Variants in ARB2A observed in about 807,000 individuals in gnomAD.
ARB2A encodes cotranscriptional regulator ARB2A.
At chr5:94,015,882 C>G in the ARB2A span, among the ~76,000 whole-genome samples, 4 of 151,886 alleles carry the variant, frequency 2.6e-5, no homozygotes, top group African/African-American at 9.7e-5. Context: ...AAGAAAAAAG[C>G]AAGAGAGGAT....
chr5:94,068,373 C>G, the ARB2A span, among the ~76,000 whole-genome samples: 1 of 152,192 alleles, frequency 6.6e-6, no homozygotes, highest in African/African-American at 2.4e-5. Context: ...GGGTGGAAGT[C>G]AGTGGCAGGT....
chr5:93,911,067 T>C, the ARB2A span, among the ~76,000 whole-genome samples: 1 of 151,646 alleles, frequency 6.6e-6, no homozygotes, highest in East Asian at 1.9e-4. Context: ...TTAACATTAC[T>C]GTATACTGGA....
chr5:93,922,098 T>G, the ARB2A span, among the ~76,000 whole-genome samples: 6 of 152,134 alleles, frequency 3.9e-5, no homozygotes, highest in Non-Finnish European at 8.8e-5. Flanking sequence ...TGATGAAAGA[T>G]TATGAATTTC....
the ARB2A span, among the ~76,000 whole-genome samples, chr5:93,726,478 C>T: frequency 1.8e-4 from 28 of 151,944 alleles, no homozygotes; most frequent in Admixed American, 6.6e-5. Flanking sequence ...GTTGCTGCGA[C>T]TGCCTGTAGG....
the ARB2A span, among the ~76,000 whole-genome samples, chr5:93,993,791 C>T: frequency 6.6e-6 from 1 of 150,748 alleles, no homozygotes; most frequent in African/African-American, 2.4e-5. Context: ...GTAATAATCA[C>T]AAGAGACAAT....
At chr5:93,684,639 G>C in the ARB2A span, among the ~76,000 whole-genome samples, 1 of 152,170 alleles carries the variant, frequency 6.6e-6, no homozygotes, top group Non-Finnish European at 1.5e-5. Context: ...ACAACTTAAA[G>C]TTAGTGTGAT....
At chr5:93,672,546 G>A in the ARB2A span, among the ~76,000 whole-genome samples, 1 of 151,982 alleles carries the variant, frequency 6.6e-6, no homozygotes, top group Non-Finnish European at 1.5e-5. Flanking sequence ...CTGACCTTGT[G>A]ATCCACCCGC....
chr5:93,874,373 A>G, the ARB2A span, among the ~76,000 whole-genome samples: 1 of 152,150 alleles, frequency 6.6e-6, no homozygotes, highest in Non-Finnish European at 1.5e-5. Flanking sequence ...GTCACCAGAA[A>G]GACCCAGTGA....
the ARB2A span, among the ~76,000 whole-genome samples, chr5:93,900,181 G>C: frequency 2.6e-5 from 4 of 152,104 alleles, no homozygotes; most frequent in Non-Finnish European, 5.9e-5. Context: ...TTTTCAAAGA[G>C]TATTATTTTG....
the ARB2A span, among the ~76,000 whole-genome samples, chr5:93,843,394 T>A: frequency 6.6e-6 from 1 of 150,468 alleles, no homozygotes; most frequent in Non-Finnish European, 1.5e-5. Flanking sequence ...TACTAGTACA[T>A]GCATAAAAGT....
chr5:93,758,001 C>A, the ARB2A span, among the ~76,000 whole-genome samples: 1 of 152,056 alleles, frequency 6.6e-6, no homozygotes, highest in African/African-American at 2.4e-5. Context: ...CTTCTGGAGA[C>A]CCACCTAACA....
At chr5:94,069,537 A>T in the ARB2A span, among the ~76,000 whole-genome samples, 1 of 152,234 alleles carries the variant, frequency 6.6e-6, no homozygotes, top group South Asian at 2.1e-4. Context: ...CTATTTATCC[A>T]ACAAAGTATT....
chr5:93,848,307 C>T, the ARB2A span, among the ~76,000 whole-genome samples: 15 of 151,768 alleles, frequency 9.9e-5, no homozygotes, highest in Admixed American at 4.6e-4. Context: ...CACTTGAACC[C>T]GGGAGGCGGA....
At chr5:93,833,031 CA>C in the ARB2A span, among the ~76,000 whole-genome samples, 2 of 152,108 alleles carry the variant, frequency 1.3e-5, no homozygotes. Context: ...AAAACAACTG[CA>C]AAATATTGGT....
At chr5:94,060,370 G>C in the ARB2A span, among the ~76,000 whole-genome samples, 2 of 151,824 alleles carry the variant, frequency 1.3e-5, no homozygotes, top group Admixed American at 6.6e-5. Flanking sequence ...AGAACAAGAA[G>C]GGAATATTAG....
At chr5:94,035,712 C>T in the ARB2A span, among the ~76,000 whole-genome samples, 4 of 152,162 alleles carry the variant, frequency 2.6e-5, no homozygotes, top group South Asian at 4.1e-4. Flanking sequence ...TGCAGGGACA[C>T]GGGTAAAGCT....
chr5:94,092,209 G>A, the ARB2A span, among the ~76,000 whole-genome samples: 1 of 151,956 alleles, frequency 6.6e-6, no homozygotes, highest in East Asian at 1.9e-4. Context: ...AGCCAGGTGT[G>A]GTGGCACATG....
chr5:93,963,324 T>C, the ARB2A span, among the ~76,000 whole-genome samples: 10 of 151,918 alleles, frequency 6.6e-5, no homozygotes, highest in Non-Finnish European at 1.0e-4. Flanking sequence ...GAAGAAAAAT[T>C]TCCAAATAAA....
At chr5:93,990,579 T>C in the ARB2A span, among the ~76,000 whole-genome samples, 5 of 139,988 alleles carry the variant, frequency 3.6e-5, no homozygotes, top group African/African-American at 5.5e-5. Flanking sequence ...GGAGGAGAGG[T>C]TGGGAACAGT....
Sources: gnomAD v4.1 joint callset for allele counts (sites outside exome capture counted in the v4.1 genomes callset) on GRCh38, gnomAD v4.1.1 for gene constraint, MANE v1.5 for transcripts, NCBI Gene and HGNC (gene_info 2026-07-23, HGNC 2026-07-21) for gene names.